OCIAD1: variants seen among roughly 807,000 people sequenced by gnomAD.
OCIAD1 encodes OCIA domain containing 1, also known as OCIA domain-containing protein 1.
OCIAD1 carries 29 observed loss-of-function variants against 38.9 expected under a neutral mutation model. The ratio of observed to expected loss-of-function variants is 0.74; its 90% CI spans 0.55 to 1.02. The LOEUF is 1.02. Ranked by LOEUF, OCIAD1 falls within the 50% of genes least tolerant of loss-of-function variation. The probability of loss-of-function intolerance (pLI) is 0.00; values close to 1 mark genes in which losing one functional copy is unlikely to be tolerated. For missense variants in OCIAD1, 288 were observed against 289.6 expected (o/e 0.99, Z 0.04); for synonymous variants, 110 against 92.0 (o/e 1.20, Z -1.12).
chr4:48,840,843 A>AG (rs1368792183), intron 3 of OCIAD1, among the ~76,000 whole-genome samples: 1 of 151,456 alleles, frequency 6.6e-6, no homozygotes, highest in Non-Finnish European at 1.5e-5. Context: ...CAAAAAAAAA[A>AG]AAAAAAAAGA....
chr4:48,833,037 G>A (rs1242733019), intron 2 of OCIAD1, among the ~76,000 whole-genome samples: 2 of 152,008 alleles, frequency 1.3e-5, no homozygotes, highest in African/African-American at 4.8e-5. Context: ...GAACACCTGA[G>A]GTCAGGAGTT....
At chr4:48,837,467 A>AT (rs1433409723) in intron 3 of OCIAD1, among the ~76,000 whole-genome samples, 1 of 150,794 alleles carries the variant, frequency 6.6e-6, no homozygotes, top group African/African-American at 2.4e-5. Flanking sequence ...TAATTTTTGT[A>AT]TTTTTGGTAG....
At position 48,848,404 on chromosome 4, in the gene OCIAD1, C is replaced by T; in HGVS notation, c.199C>T (p.Leu67Phe). ...TACTTAACTCTTTTCTTTAGGAATA[C>T]TTTCAAGTCATCCCAAATATGGTTC... ...ITQGLISKGI[L>F]SSHPKYGSIP... Residue 67 changes from leucine (L) to phenylalanine (F), a missense_variant, in exon 5 of 9, where the codon CTT becomes TTT. By Grantham distance (22) the Leu-to-Phe change is conservative. Coordinates refer to ENST00000264312, the MANE Select transcript of OCIAD1 (RefSeq NM_017830.4). 6 of 1,481,286 alleles carry T rather than the reference C, an allele frequency of 4.1e-6. No individual in the cohort carries two copies. The highest frequency in any genetic ancestry group is 4.7e-6 in the Non-Finnish European group (5 of 1,064,150). The allele number at this position is 1,481,286 out of a possible 1,614,324, so 91.8% of individuals were successfully genotyped here.
At chr4:48,807,310 T>C (rs1777038252) in intron 1 of OCIAD1, among the ~76,000 whole-genome samples, 1 of 150,016 alleles carries the variant, frequency 6.7e-6, no homozygotes, top group Non-Finnish European at 1.5e-5. Context: ...AAGAGCAAGA[T>C]CCTGTCTCAA....
At chr4:48,810,877 TTTTTCTTTC>T (rs1323876206) in intron 1 of OCIAD1, among the ~76,000 whole-genome samples, 7 of 102,026 alleles carry the variant, frequency 6.9e-5, no homozygotes, top group African/African-American at 3.0e-4. Flanking sequence ...GCAATTTTCT[TTTTTCTTTC>T]TTTCTTTCTT....
chr4:48,820,258 C>T (rs756451621), intron 1 of OCIAD1, among the ~76,000 whole-genome samples: 24 of 152,258 alleles, frequency 1.6e-4, no homozygotes, highest in African/African-American at 3.8e-4. Context: ...CACTCAAATC[C>T]GCACAACTAC....
upstream of OCIAD1, among the ~76,000 whole-genome samples, chr4:48,829,268 A>C (rs529082688): frequency 3.3e-5 from 5 of 152,212 alleles, no homozygotes; most frequent in South Asian, 6.2e-4. Context: ...CTAAAAAAAA[A>C]AACAACAAAA....
At position 48,852,868 on chromosome 4, in the gene OCIAD1, TTTTTTTG is replaced by T. The variant is rs1164077591; in HGVS notation, c.547+907_547+913del. Among the ~76,000 whole-genome samples the T allele has an allele frequency of 1.2e-3, 143 of 117,682 alleles. 5 individuals are homozygous for T. The South Asian group carries it at 0.029, about 24-fold the overall frequency. The allele number at this position is 117,682 out of a possible 152,430, so 77.2% of individuals were successfully genotyped here. The stretch of plus-strand genomic sequence containing the variant: ...AATTCAAAAAGGTTTAAGCCAAGTT[TTTTTTTG>T]TTTTTTGTTTTTTTTTTTTTTTTTG... On this transcript the variant is annotated intron_variant, in intron 7 of 8. Transcript: ENST00000264312.
chr4:48,838,590 C>G (rs1246636414), intron 3 of OCIAD1, among the ~76,000 whole-genome samples: 1 of 152,122 alleles, frequency 6.6e-6, no homozygotes, highest in East Asian at 1.9e-4. Context: ...AAATTTTGTA[C>G]TTTAACATTT....
At chr4:48,841,413 C>T (rs776084582) in intron 3 of OCIAD1, among the ~76,000 whole-genome samples, 1 of 152,136 alleles carries the variant, frequency 6.6e-6, no homozygotes, top group Non-Finnish European at 1.5e-5. Flanking sequence ...AACCAGGTCC[C>T]AAGAGTTCTC....
rs1328297697 is a variant in OCIAD1 at position 48,851,423 on chromosome 4, C to T, written c.378-383C>T. Among the ~76,000 whole-genome samples the T allele has an allele frequency of 2.6e-5, 4 of 152,158 alleles. No individual in the cohort carries two copies. In the East Asian group the frequency reaches 5.8e-4, roughly 22 times the overall value. On this transcript the variant is annotated intron_variant, in intron 6 of 8. Transcript: ENST00000264312. ...TATTTTGAGGCCAGACGCGGTGGCTCATGCCAGTAATCCCAGCACTTTGGG... is the reference window on the plus strand; with the variant it reads ...TATTTTGAGGCCAGACGCGGTGGCTTATGCCAGTAATCCCAGCACTTTGGG...
chr4:48,832,117 T>G (rs114228716), intron 1 of OCIAD1, among the ~76,000 whole-genome samples: 2,626 of 152,354 alleles, frequency 0.017, 74 homozygotes, highest in African/African-American at 0.059. Context: ...TATGTCGTCT[T>G]TGTTATTCCA....
At chr4:48,809,246 G>C (rs908550810) in intron 1 of OCIAD1, among the ~76,000 whole-genome samples, 11 of 152,166 alleles carry the variant, frequency 7.2e-5, no homozygotes, top group African/African-American at 2.7e-4. Context: ...TAAAGGCCAG[G>C]CGCGGTGGCT....
upstream of OCIAD1, among the ~76,000 whole-genome samples, chr4:48,830,317 G>A (rs1344372238): frequency 6.6e-6 from 1 of 152,206 alleles, no homozygotes; most frequent in Non-Finnish European, 1.5e-5. Context: ...AAGGGGCTCA[G>A]AAAGAGATGA....
intron 1 of OCIAD1, chr4:48,831,527 G>A: frequency 2.3e-6 from 3 of 1,290,786 alleles, no homozygotes; most frequent in Non-Finnish European, 2.0e-6. Context: ...GGAGGATGGA[G>A]TGCGGTAATC....
intron 4 of OCIAD1, among the ~76,000 whole-genome samples, chr4:48,844,990 G>A (rs1404351344): frequency 6.6e-6 from 1 of 151,458 alleles, no homozygotes; most frequent in Non-Finnish European, 1.5e-5. Flanking sequence ...TTTTCTATCC[G>A]CAGTTGGTTG....
intron 5 of OCIAD1, among the ~76,000 whole-genome samples, chr4:48,849,648 A>T (rs1458769187): frequency 6.6e-6 from 1 of 152,114 alleles, no homozygotes; most frequent in Non-Finnish European, 1.5e-5. Context: ...TTCCCATTAT[A>T]CCTTTACTAA....
In OCIAD1 at chr4:48,857,223, C is replaced by T; in HGVS notation, c.558C>T (p.Pro186=). The T allele has an allele frequency of 6.5e-7, 1 of 1,539,218 alleles. No homozygotes were observed. Among genetic ancestry groups the T allele is most frequent in the Non-Finnish European group, 8.7e-7 (1 of 1,143,962 alleles). Residue 186 remains proline, a synonymous_variant, in exon 8 of 9, where the codon CCC becomes CCT. Coordinates refer to ENST00000264312, the MANE Select transcript of OCIAD1 (RefSeq NM_017830.4). ...TGTTTGTTGTTTTAGGACCTGATCC[C>T]AACCTTGAAGAAAGTCCTAAAAGAA... The part of the protein sequence containing the change: ...ITDHIVQGPD[P]NLEESPKRKN...
chr4:48,807,387 A>C (rs1465733211), intron 1 of OCIAD1, among the ~76,000 whole-genome samples: 1 of 152,110 alleles, frequency 6.6e-6, no homozygotes, highest in Non-Finnish European at 1.5e-5. Context: ...TCCTGGATCT[A>C]CTACTTATTA....
Sources: allele counts gnomAD v4.1 joint callset (sites outside exome capture counted in the v4.1 genomes callset), GRCh38; gene constraint gnomAD v4.1.1; transcripts MANE v1.5; gene names NCBI Gene and HGNC (gene_info 2026-07-23, HGNC 2026-07-21).